SORCS3: variants seen among roughly 807,000 people sequenced by gnomAD.
SORCS3 encodes sortilin related VPS10 domain containing receptor 3, also known as VPS10 domain-containing receptor SorCS3.
SORCS3 carries 57 observed loss-of-function variants against 146.3 expected under a neutral mutation model. The observed-to-expected ratio is 0.39, with a 90% confidence interval of 0.31 to 0.49. The LOEUF (loss-of-function observed/expected upper bound fraction) is 0.49. Among genes scored for constraint, SORCS3 ranks in the 20% least tolerant of loss-of-function variants. SORCS3 has a pLI of 0.92. For missense variants in SORCS3, 1,341 were observed against 1,575.5 expected, an observed-to-expected ratio of 0.85 and a Z score of 2.52; for synonymous variants, 653 against 618.5, an observed-to-expected ratio of 1.06 and a Z score of -0.83.
chr10:105,156,655 C>G (rs2056211726), intron 9 of SORCS3, among the ~76,000 whole-genome samples: 1 of 152,174 alleles, frequency 6.6e-6, no homozygotes, highest in South Asian at 2.1e-4. Context: ...TGGAAAGAGA[C>G]AGATGCCAGG....
At chr10:104,906,969 A>G (rs1476940918) in intron 2 of SORCS3, among the ~76,000 whole-genome samples, 3 of 152,146 alleles carry the variant, frequency 2.0e-5, no homozygotes, top group Non-Finnish European at 2.9e-5. Context: ...TAGATTTTAT[A>G]TGTATTTGTT....
At chr10:105,176,732 G>A (rs1265342351) in intron 13 of SORCS3, among the ~76,000 whole-genome samples, 1 of 151,974 alleles carries the variant, frequency 6.6e-6, no homozygotes, top group Non-Finnish European at 1.5e-5. Flanking sequence ...ACACGTGCCT[G>A]TAGTCCCAGC....
At chr10:105,045,336 C>A (rs1176135894) in intron 5 of SORCS3, among the ~76,000 whole-genome samples, 1 of 152,156 alleles carries the variant, frequency 6.6e-6, no homozygotes, top group African/African-American at 2.4e-5. Flanking sequence ...TGTCTCTTCT[C>A]CACTCTGTGC....
chr10:104,978,923 G>C (rs2054917607), intron 4 of SORCS3, among the ~76,000 whole-genome samples: 1 of 152,072 alleles, frequency 6.6e-6, no homozygotes, highest in South Asian at 2.1e-4. Flanking sequence ...CTGGTTCACT[G>C]TTATCACTTC....
chr10:105,006,822 ACTT>A (rs1447135059), intron 4 of SORCS3, among the ~76,000 whole-genome samples: 6 of 152,136 alleles, frequency 3.9e-5, no homozygotes, highest in African/African-American at 1.4e-4. Context: ...GTAAAATCTA[ACTT>A]CTTCTCAACT....
chr10:104,930,096 G>A (rs7101039), intron 3 of SORCS3, among the ~76,000 whole-genome samples: 16,208 of 151,960 alleles, frequency 0.11, 1,329 homozygotes, highest in African/African-American at 0.24. Context: ...AACGATAAAC[G>A]ATCAGAATGG....
chr10:105,158,834 G>A, intron 10 of SORCS3, 58 bp from the exon 11 acceptor site: 1 of 1,326,312 alleles, frequency 7.5e-7, no homozygotes, highest in East Asian at 2.3e-5. Context: ...CTCTAGTGGG[G>A]CAGGGGTACA....
intron 14 of SORCS3, among the ~76,000 whole-genome samples, chr10:105,190,224 A>G (rs7920738): frequency 0.34 from 51,252 of 152,044 alleles, 8,774 homozygotes; most frequent in South Asian, 0.48. Flanking sequence ...AAATGCCTAA[A>G]TTTGACCCCT....
At chr10:105,189,516 A>T (rs572158635) in intron 14 of SORCS3, among the ~76,000 whole-genome samples, 1 of 152,310 alleles carries the variant, frequency 6.6e-6, no homozygotes, top group South Asian at 2.1e-4. Context: ...AAGGCAGTGA[A>T]ATCTGGAAAG....
chr10:104,729,520 T>C (rs1284446376), intron 1 of SORCS3, among the ~76,000 whole-genome samples: 1 of 152,218 alleles, frequency 6.6e-6, no homozygotes, highest in East Asian at 1.9e-4. Flanking sequence ...GATGAAAGAC[T>C]TCAGATCCAA....
chr10:104,831,041 G>A (rs974589284), intron 1 of SORCS3, among the ~76,000 whole-genome samples: 13 of 151,938 alleles, frequency 8.6e-5, no homozygotes, highest in African/African-American at 3.1e-4. Flanking sequence ...GCCCAGGCTG[G>A]TCGTGAACTC....
At chr10:105,096,328 T>C (rs567213905) in intron 6 of SORCS3, among the ~76,000 whole-genome samples, 2 of 152,310 alleles carry the variant, frequency 1.3e-5, no homozygotes, top group African/African-American at 4.8e-5. Flanking sequence ...GTGCACCATC[T>C]GGAGAGCTTG....
intron 19 of SORCS3, among the ~76,000 whole-genome samples, chr10:105,221,070 C>A (rs550970730): frequency 1.3e-5 from 2 of 151,922 alleles, no homozygotes; most frequent in African/African-American, 4.8e-5. Context: ...TTTAAGTATT[C>A]GGTTTTATTT....
At chr10:104,911,461 G>A (rs2018966633) in intron 2 of SORCS3, among the ~76,000 whole-genome samples, 1 of 152,252 alleles carries the variant, frequency 6.6e-6, no homozygotes, top group South Asian at 2.1e-4. Flanking sequence ...GTGAGACCAT[G>A]TGTGATGATC....
chr10:104,674,647 T>A (rs1441087412), intron 1 of SORCS3, among the ~76,000 whole-genome samples: 2 of 152,236 alleles, frequency 1.3e-5, no homozygotes, highest in African/African-American at 4.8e-5. Flanking sequence ...TGTACCTGCA[T>A]TCCTGACCCA....
intron 5 of SORCS3, among the ~76,000 whole-genome samples, chr10:105,085,353 T>G (rs1244035414): frequency 6.6e-6 from 1 of 152,202 alleles, no homozygotes; most frequent in Non-Finnish European, 1.5e-5. Context: ...AGAATGTTCT[T>G]CCTACCCTCA....
chr10:104,712,047 A>C (rs2133439257), intron 1 of SORCS3, among the ~76,000 whole-genome samples: 1 of 152,278 alleles, frequency 6.6e-6, no homozygotes, highest in East Asian at 1.9e-4. Flanking sequence ...TCAGCACATA[A>C]GTTTCTCCCC....
At chr10:104,788,347 T>C (rs771596957) in intron 1 of SORCS3, among the ~76,000 whole-genome samples, 44 of 152,224 alleles carry the variant, frequency 2.9e-4, no homozygotes, top group Non-Finnish European at 1.8e-4. Context: ...TATGCAGCTG[T>C]GAAGAGGAAT....
intron 8 of SORCS3, among the ~76,000 whole-genome samples, chr10:105,147,031 C>T (rs539396002): frequency 6.6e-6 from 1 of 151,810 alleles, no homozygotes; most frequent in Admixed American, 6.6e-5. Flanking sequence ...GGCAGCAGAA[C>T]CTCCCTTACC....
Sources: allele counts gnomAD v4.1 joint callset (sites outside exome capture counted in the v4.1 genomes callset), GRCh38; gene constraint gnomAD v4.1.1; transcripts MANE v1.5; gene names NCBI Gene and HGNC (gene_info 2026-07-23, HGNC 2026-07-21).